CSGALNACT1: variants seen among roughly 807,000 people sequenced by gnomAD.
CSGALNACT1 encodes the protein beta4GalNAcT-1.
In CSGALNACT1, 52 loss-of-function variants were observed where a neutral mutation model predicts 51.0. The ratio of observed to expected loss-of-function variants is 1.02; its 90% CI spans 0.82 to 1.29. CSGALNACT1 has a LOEUF of 1.29. CSGALNACT1 is among the 50% of genes most tolerant of loss of function. CSGALNACT1 has a pLI of 0.00. For missense variants in CSGALNACT1, 935 were observed against 679.2 expected, an observed-to-expected ratio of 1.38 and a Z score of -4.19; for synonymous variants, 341 against 254.4, an observed-to-expected ratio of 1.34 and a Z score of -3.24.
At chr8:19,751,961 G>C (rs2065056026) in intron 1 of CSGALNACT1, among the ~76,000 whole-genome samples, 1 of 151,498 alleles carries the variant, frequency 6.6e-6, no homozygotes, top group Non-Finnish European at 1.5e-5. Context: ...TGTGAGAACA[G>C]ACTAATACAT....
intron 4 of CSGALNACT1, among the ~76,000 whole-genome samples, chr8:19,492,541 T>C (rs1339463861): frequency 1.3e-5 from 2 of 152,232 alleles, no homozygotes; most frequent in Admixed American, 6.5e-5. Flanking sequence ...CTGCTGGAGC[T>C]AGCCTGCCAA....
At chr8:19,533,735 T>A (rs972377016) in intron 3 of CSGALNACT1, among the ~76,000 whole-genome samples, 1 of 152,222 alleles carries the variant, frequency 6.6e-6, no homozygotes, top group Non-Finnish European at 1.5e-5. Context: ...TTTCAGTATG[T>A]TGAGCTCCCA....
intron 3 of CSGALNACT1, among the ~76,000 whole-genome samples, chr8:19,515,830 C>T (rs1021179433): frequency 6.6e-6 from 1 of 152,120 alleles, no homozygotes; most frequent in Non-Finnish European, 1.5e-5. Context: ...ACAACTGCCA[C>T]CCTTGCTTCA....
At chr8:19,492,957 T>C (rs1238715292) in intron 4 of CSGALNACT1, among the ~76,000 whole-genome samples, 1 of 152,014 alleles carries the variant, frequency 6.6e-6, no homozygotes, top group Non-Finnish European at 1.5e-5. Flanking sequence ...GTGTATGGCA[T>C]ATTTGTGTCT....
At chr8:19,533,679 C>T (rs1022106868) in intron 3 of CSGALNACT1, among the ~76,000 whole-genome samples, 1 of 152,102 alleles carries the variant, frequency 6.6e-6, no homozygotes. Flanking sequence ...ATGGCTCTTC[C>T]TCTTTCTGTG....
chr8:19,681,342 A>T (rs765339049), intron 1 of CSGALNACT1, among the ~76,000 whole-genome samples: 1 of 152,184 alleles, frequency 6.6e-6, no homozygotes, highest in Non-Finnish European at 1.5e-5. Context: ...AGACCAGCAG[A>T]TCCATAAATG....
chr8:19,474,875 A>AAAAG (rs2069106846), intron 4 of CSGALNACT1, among the ~76,000 whole-genome samples: 1 of 150,532 alleles, frequency 6.6e-6, no homozygotes, highest in African/African-American at 2.4e-5. Context: ...CTCAGAAAAA[A>AAAAG]AAAAAAAAAA....
At chr8:19,527,625 A>G (rs942609982) in intron 3 of CSGALNACT1, among the ~76,000 whole-genome samples, 1 of 152,154 alleles carries the variant, frequency 6.6e-6, no homozygotes, top group Admixed American at 6.5e-5. Context: ...AATAAAGGAT[A>G]AAAGAGGCTT....
intron 1 of CSGALNACT1, among the ~76,000 whole-genome samples, chr8:19,655,026 A>C (rs4922078): frequency 0.57 from 86,009 of 151,964 alleles, 24,567 homozygotes; most frequent in Middle Eastern, 0.65. Context: ...CTTTATTTAA[A>C]AAATGGGTAT....
chr8:19,576,732 T>C (rs1367573124), intron 3 of CSGALNACT1, among the ~76,000 whole-genome samples: 1 of 152,112 alleles, frequency 6.6e-6, no homozygotes, highest in Non-Finnish European at 1.5e-5. Flanking sequence ...ACCCACCTGC[T>C]GATTGCCCCA....
intron 4 of CSGALNACT1, among the ~76,000 whole-genome samples, chr8:19,459,382 C>CAAA (rs377411028): frequency 2.9e-5 from 2 of 69,174 alleles, no homozygotes; most frequent in African/African-American, 1.2e-4. Context: ...AACTTTATCT[C>CAAA]AAAAAAAAAA....
At chr8:19,662,393 G>A (rs1229641729) in intron 1 of CSGALNACT1, among the ~76,000 whole-genome samples, 1 of 152,048 alleles carries the variant, frequency 6.6e-6, no homozygotes, top group Non-Finnish European at 1.5e-5. Context: ...AAAAAAGAAA[G>A]AAAAATATCT....
intron 3 of CSGALNACT1, among the ~76,000 whole-genome samples, chr8:19,539,607 A>C (rs1196183921): frequency 1.3e-5 from 2 of 152,222 alleles, no homozygotes; most frequent in Non-Finnish European, 2.9e-5. Context: ...GACTGTCCTG[A>C]TAAATGTATA....
At chr8:19,481,273 G>C (rs567484818) in intron 4 of CSGALNACT1, among the ~76,000 whole-genome samples, 2 of 152,140 alleles carry the variant, frequency 1.3e-5, no homozygotes, top group East Asian at 1.9e-4. Context: ...TGTCCTTATA[G>C]TCTGCCCCAT....
intron 3 of CSGALNACT1, among the ~76,000 whole-genome samples, chr8:19,566,911 T>A (rs1235377015): frequency 3.9e-5 from 6 of 152,082 alleles, no homozygotes; most frequent in Non-Finnish European, 7.4e-5. Flanking sequence ...TTCTCAAGGG[T>A]GAGGCCCTTG....
chr8:19,590,386 C>G (rs773520612), intron 3 of CSGALNACT1, among the ~76,000 whole-genome samples: 2 of 152,096 alleles, frequency 1.3e-5, no homozygotes, highest in Non-Finnish European at 2.9e-5. Flanking sequence ...TTCCTTTTGG[C>G]GATATCTTAT....
rs147577193 is a variant in CSGALNACT1 at position 19,626,775 on chromosome 8, A to G, written c.-543-24910T>C. On this transcript the variant is annotated intron_variant, in intron 1 of 9. Transcript: ENST00000332246. ...GTGTGCAAAAGACTTGAACAGACAG[A>G]CCTTCACCAAAGAGAATATGGGTGG... 6.6e-3 allele frequency among the ~76,000 whole-genome samples: 1,005 copies of G among 152,352 alleles called. 8 individuals carry two copies. Among genetic ancestry groups the G allele is most frequent in the South Asian group, 0.024 (114 of 4,822 alleles).
At chr8:19,553,749 A>C (rs2088906295) in intron 3 of CSGALNACT1, among the ~76,000 whole-genome samples, 1 of 151,100 alleles carries the variant, frequency 6.6e-6, no homozygotes, top group Non-Finnish European at 1.5e-5. Context: ...AAGAGAAACA[A>C]ATGGGACCCC....
intron 3 of CSGALNACT1, among the ~76,000 whole-genome samples, chr8:19,521,132 A>AAATTTC (rs2080594708): frequency 6.6e-6 from 1 of 152,172 alleles, no homozygotes; most frequent in South Asian, 2.1e-4. Context: ...TGATAGGATG[A>AAATTTC]AATTTCATCC....
Sources: gnomAD v4.1 joint callset for allele counts (sites outside exome capture counted in the v4.1 genomes callset) on GRCh38, gnomAD v4.1.1 for gene constraint, MANE v1.5 for transcripts, NCBI Gene and HGNC (gene_info 2026-07-23, HGNC 2026-07-21) for gene names.